The following ZFAT variants were observed in gnomAD, a reference collection of about 807,000 sequenced individuals.
The protein encoded by ZFAT is zinc finger protein ZFAT.
ZFAT carries 64 observed loss-of-function variants against 117.7 expected under a neutral mutation model. The ratio of observed to expected loss-of-function variants is 0.54; its 90% CI spans 0.44 to 0.67. ZFAT has a LOEUF of 0.67. ZFAT is among the 30% of genes least tolerant of loss of function. The pLI is 0.00. For synonymous variants in ZFAT, 679 were observed against 615.0 expected (o/e 1.10, Z -1.54); for missense variants, 1,433 against 1,584.5 (o/e 0.90, Z 1.62).
chr8:134,732,180 G>T, the ZFAT span, among the ~76,000 whole-genome samples: 1 of 152,230 alleles, frequency 6.6e-6, no homozygotes, highest in Non-Finnish European at 1.5e-5. Context: ...TTCTGCTGCT[G>T]ACAGCCAGGG....
the ZFAT span, chr8:134,765,484 C>T: frequency 1.3e-5 from 2 of 152,174 alleles, no homozygotes; most frequent in African/African-American, 2.4e-5. Context: ...TACCAGTTCA[C>T]TGGAGACTAG....
chr8:134,524,022 C>G (rs1820846153), intron 12 of ZFAT, among the ~76,000 whole-genome samples: 1 of 152,218 alleles, frequency 6.6e-6, no homozygotes, highest in Non-Finnish European at 1.5e-5. Context: ...CACTTATTCT[C>G]TGTTCAAGTC....
chr8:134,818,976 T>C, the ZFAT span, among the ~76,000 whole-genome samples: 1 of 152,224 alleles, frequency 6.6e-6, no homozygotes, highest in Non-Finnish European at 1.5e-5. Flanking sequence ...GTTTAGTGTC[T>C]TGACTGTGGT....
chr8:134,734,300 C>T, the ZFAT span, among the ~76,000 whole-genome samples: 1 of 152,306 alleles, frequency 6.6e-6, no homozygotes, highest in East Asian at 1.9e-4. Flanking sequence ...CCTGTCGCTT[C>T]GGGCTGCTCC....
chr8:134,580,748 T>C (rs1380064967), intron 10 of ZFAT, among the ~76,000 whole-genome samples: 1 of 152,282 alleles, frequency 6.6e-6, no homozygotes, highest in African/African-American at 2.4e-5. Context: ...GATTTCTCTA[T>C]AAATATACTG....
At chr8:134,696,208 C>A (rs1342125056) in intron 1 of ZFAT, among the ~76,000 whole-genome samples, 1 of 152,150 alleles carries the variant, frequency 6.6e-6, no homozygotes. Flanking sequence ...GGTGCCACCG[C>A]CAGGCGCGGA....
chr8:134,662,884 G>A (rs1390597297), intron 1 of ZFAT, among the ~76,000 whole-genome samples: 2 of 152,252 alleles, frequency 1.3e-5, no homozygotes, highest in East Asian at 1.9e-4. Context: ...TGGGTCATCC[G>A]CCCACAGAGG....
At chr8:134,529,726 C>G (rs923058064) in intron 12 of ZFAT, among the ~76,000 whole-genome samples, 4 of 152,174 alleles carry the variant, frequency 2.6e-5, no homozygotes, top group African/African-American at 9.7e-5. Flanking sequence ...TGTCCCCGCT[C>G]CACGTTGAGG....
At chr8:134,786,498 TCC>T in the ZFAT span, among the ~76,000 whole-genome samples, 1 of 152,214 alleles carries the variant, frequency 6.6e-6, no homozygotes, top group Admixed American at 6.5e-5. Context: ...CCCCTCCAAC[TCC>T]CTGCATTCAC....
At chr8:134,642,609 A>G (rs765131002) in intron 2 of ZFAT, among the ~76,000 whole-genome samples, 1 of 152,204 alleles carries the variant, frequency 6.6e-6, no homozygotes, top group African/African-American at 2.4e-5. Flanking sequence ...ATTCTGACTC[A>G]ATACGCATTT....
intron 2 of ZFAT, among the ~76,000 whole-genome samples, chr8:134,652,876 T>C (rs939913861): frequency 3.3e-5 from 5 of 152,132 alleles, no homozygotes; most frequent in African/African-American, 1.2e-4. Flanking sequence ...CCTAGCAAAC[T>C]TTTCAATAAG....
chr8:134,622,391 G>A (rs764062511), intron 3 of ZFAT, among the ~76,000 whole-genome samples: 1 of 152,176 alleles, frequency 6.6e-6, no homozygotes, highest in Non-Finnish European at 1.5e-5. Context: ...AACGTGGAAT[G>A]CAAACCTTAA....
rs751254728 is a variant in ZFAT at position 134,532,986 on chromosome 8, G to A, written c.2977-14C>T. ...ACAGCGGAAAGGCTGCGGGGACAATGAGGAGGGGTTAGGAAAGGTGAGCCC... is the reference window on the plus strand; with the variant it reads ...ACAGCGGAAAGGCTGCGGGGACAATAAGGAGGGGTTAGGAAAGGTGAGCCC... On this transcript the variant is annotated splice_polypyrimidine_tract_variant and intron_variant, in intron 11 of 15. Coordinates refer to ENST00000377838, the MANE Select transcript of ZFAT (RefSeq NM_020863.4). 34 of 1,592,182 alleles carry A rather than the reference G, an allele frequency of 2.1e-5. 1 individual carries two copies. Among genetic ancestry groups the A allele is most frequent in the Non-Finnish European group, 2.7e-5 (32 of 1,169,622 alleles).
intron 3 of ZFAT, among the ~76,000 whole-genome samples, chr8:134,615,055 C>G (rs1255226950): frequency 6.6e-6 from 1 of 152,150 alleles, no homozygotes; most frequent in Non-Finnish European, 1.5e-5. Flanking sequence ...CACCACGCAC[C>G]TTCAACCCAC....
chr8:134,570,470 G>A (rs1824808761), intron 10 of ZFAT, among the ~76,000 whole-genome samples: 1 of 152,142 alleles, frequency 6.6e-6, no homozygotes, highest in African/African-American at 2.4e-5. Context: ...CCTCATGACA[G>A]TGGAGATTTT....
At chr8:134,770,430 C>T in the ZFAT span, among the ~76,000 whole-genome samples, 1 of 152,170 alleles carries the variant, frequency 6.6e-6, no homozygotes, top group Non-Finnish European at 1.5e-5. Context: ...GTGAATGTTT[C>T]ATGGACACTT....
At chr8:134,635,133 C>T (rs11775107) in intron 3 of ZFAT, among the ~76,000 whole-genome samples, 55,455 of 151,914 alleles carry the variant, frequency 0.37, 11,641 homozygotes, top group East Asian at 0.89. Flanking sequence ...GCCACAGACC[C>T]GTACAAACCT....
chr8:134,603,935 A>G (rs1405687922), intron 5 of ZFAT, among the ~76,000 whole-genome samples: 2 of 152,234 alleles, frequency 1.3e-5, no homozygotes, highest in African/African-American at 4.8e-5. Flanking sequence ...GGTTTAGAAC[A>G]CAGATGGGGA....
chr8:134,636,337 GACA>G (rs1374678891), intron 3 of ZFAT, among the ~76,000 whole-genome samples: 1 of 152,192 alleles, frequency 6.6e-6, no homozygotes, highest in East Asian at 1.9e-4. Flanking sequence ...CAGGAAGGAT[GACA>G]ACAATACTGT....
Sources: allele counts gnomAD v4.1 joint callset (sites outside exome capture counted in the v4.1 genomes callset), GRCh38; gene constraint gnomAD v4.1.1; transcripts MANE v1.5; gene names NCBI Gene and HGNC (gene_info 2026-07-23, HGNC 2026-07-21).